Variants in RBM26 observed in about 807,000 individuals in gnomAD.
The protein encoded by RBM26 is RNA binding motif protein 26.
Under a neutral mutation model 123.6 loss-of-function variants are expected in RBM26, and 30 were observed. The ratio of observed to expected loss-of-function variants is 0.24; its 90% CI spans 0.18 to 0.33. The LOEUF (loss-of-function observed/expected upper bound fraction) is 0.33, where lower values mean the gene tolerates loss of function less well. Ranked by LOEUF, RBM26 falls within the 10% of genes least tolerant of loss-of-function variation. The pLI, the probability that RBM26 is intolerant of heterozygous loss-of-function variation, is 1.00. For synonymous variants in RBM26, 400 were observed against 404.4 expected, an observed-to-expected ratio of 0.99 and a Z score of 0.13; for missense variants, 947 against 1,203.6, an observed-to-expected ratio of 0.79 and a Z score of 3.15.
chr13:79,346,954 T>C (rs1303080849), intron 14 of RBM26, among the ~76,000 whole-genome samples: 1 of 152,220 alleles, frequency 6.6e-6, no homozygotes, highest in East Asian at 1.9e-4. Context: ...ATGAATATCG[T>C]AACCCAATTT....
downstream of RBM26, among the ~76,000 whole-genome samples, chr13:79,318,580 G>A (rs1036524106): frequency 2.6e-5 from 4 of 151,292 alleles, no homozygotes; most frequent in East Asian, 5.8e-4. Context: ...TTGGGATCAC[G>A]CTGAAATATA....
At chr13:79,349,508 T>C (rs1369212115) in intron 14 of RBM26, among the ~76,000 whole-genome samples, 2 of 152,062 alleles carry the variant, frequency 1.3e-5, no homozygotes, top group African/African-American at 4.8e-5. Flanking sequence ...TATGTACAGC[T>C]AGTAATGAAT....
At chr13:79,354,179 G>A (rs555715269) in intron 13 of RBM26, among the ~76,000 whole-genome samples, 3 of 151,788 alleles carry the variant, frequency 2.0e-5, no homozygotes, top group African/African-American at 4.8e-5. Flanking sequence ...CACAAAGTGA[G>A]AGAGAAATCT....
chr13:79,360,404 T>G (rs1264813671), intron 9 of RBM26, among the ~76,000 whole-genome samples: 1 of 152,084 alleles, frequency 6.6e-6, no homozygotes, highest in African/African-American at 2.4e-5. Flanking sequence ...AATTCTCACA[T>G]GCCAAATTAA....
Position 79,354,576 on chromosome 13 carries a change from A to C in RBM26, c.1855-6T>G. 6 of 1,572,738 alleles carry C rather than the reference A, an allele frequency of 3.8e-6. No homozygotes were observed. Among genetic ancestry groups the C allele is most frequent in the Non-Finnish European group, 5.2e-6 (6 of 1,155,792 alleles). On this transcript the variant is annotated splice_region_variant and splice_polypyrimidine_tract_variant and intron_variant, in intron 12 of 21. Coordinates refer to ENST00000438737, the MANE Select transcript of RBM26 (RefSeq NM_001366735.2). ...TGGACTAAAGGCTGCATTACCTCAG[A>C]ACAAGGAAAAAATGTTAAACAAGTT...
At chr13:79,331,403 G>A (rs181187530) in intron 20 of RBM26, among the ~76,000 whole-genome samples, 4,276 of 150,132 alleles carry the variant, frequency 0.028, 166 homozygotes, top group African/African-American at 0.085. Context: ...GGTGGATCAC[G>A]AGGTCAGGAG....
intron 14 of RBM26, among the ~76,000 whole-genome samples, chr13:79,352,721 C>T (rs2073430307): frequency 6.6e-6 from 1 of 152,196 alleles, no homozygotes; most frequent in South Asian, 2.1e-4. Context: ...ATTACCATCA[C>T]CATTTTACCG....
At position 79,387,562 on chromosome 13, in the gene RBM26, T is replaced by TA. The variant is rs5805031; in HGVS notation, c.72-8656dup. Among the ~76,000 whole-genome samples, 278 of 146,172 alleles carry TA rather than the reference T, an allele frequency of 1.9e-3. 2 individuals are homozygous for TA. The highest frequency in any genetic ancestry group is 5.8e-3 in the African/African-American group (231 of 39,954). On this transcript the variant is annotated intron_variant, in intron 1 of 21. Transcript: ENST00000438737. ...TTCTCTAGGCTTTAGTTTACTCATT[T>TA]AAAAAAAAAAAAAAGGCACTGAACC... is the stretch of plus-strand genomic sequence containing the variant.
At chr13:79,399,634 G>A (rs2078894944) in intron 1 of RBM26, among the ~76,000 whole-genome samples, 1 of 152,060 alleles carries the variant, frequency 6.6e-6, no homozygotes. Context: ...TCAAGCAATG[G>A]GATACAAACA....
At chr13:79,373,422 A>T (rs2076251978) in intron 3 of RBM26, among the ~76,000 whole-genome samples, 1 of 10,110 alleles carries the variant, frequency 9.9e-5, no homozygotes, top group Non-Finnish European at 1.5e-4. Context: ...ATATATAAAT[A>T]AAATATAAAT....
chr13:79,366,243 A>G, intron 7 of RBM26, 48 bp from the exon 8 acceptor site: 1 of 1,587,552 alleles, frequency 6.3e-7, no homozygotes, highest in East Asian at 2.2e-5. Flanking sequence ...CAAACAAATA[A>G]AACAAGTTAT....
At chr13:79,330,510 T>A (rs920304247) in intron 20 of RBM26, among the ~76,000 whole-genome samples, 3 of 152,144 alleles carry the variant, frequency 2.0e-5, no homozygotes, top group Non-Finnish European at 2.9e-5. Context: ...TGTTAGGGGA[T>A]CTCTTGCAGA....
Position 79,356,477 on chromosome 13 carries a change from C to A in RBM26, c.1690-1093G>T, listed in dbSNP as rs137905592. Among the ~76,000 whole-genome samples the A allele has an allele frequency of 3.5e-3, 530 of 151,520 alleles. 8 individuals are homozygous for A. The highest frequency in any genetic ancestry group is 0.012 in the African/African-American group (507 of 41,374). On this transcript the variant is annotated intron_variant, in intron 11 of 21. Coordinates refer to ENST00000438737, the MANE Select transcript of RBM26 (RefSeq NM_001366735.2). ...ACATGAACATGATCAAGTTACTTAA[C>A]CTTTCTGGGCCTTGTTTTCTTTTTC...
chr13:79,342,936 A>G (rs776992298), intron 16 of RBM26, 105 bp from the exon 17 acceptor site: 75 of 698,046 alleles, frequency 1.1e-4, no homozygotes, highest in Non-Finnish European at 1.5e-4. Context: ...TACTTTTTTT[A>G]GTTTATGCAT....
chr13:79,397,147 C>T (rs2078641616), intron 1 of RBM26, among the ~76,000 whole-genome samples: 1 of 151,900 alleles, frequency 6.6e-6, no homozygotes, highest in Non-Finnish European at 1.5e-5. Flanking sequence ...CACCACTGCA[C>T]TCCAGCCTGG....
At chr13:79,373,618 A>G (rs1201502148) in intron 3 of RBM26, among the ~76,000 whole-genome samples, 3 of 108,692 alleles carry the variant, frequency 2.8e-5, no homozygotes, top group African/African-American at 1.1e-4. Flanking sequence ...ATATTTATAT[A>G]TTATATATTA....
intron 10 of RBM26, 88 bp from the exon 11 acceptor site, chr13:79,358,521 C>G (rs2074293498): frequency 3.9e-6 from 4 of 1,023,292 alleles, no homozygotes; most frequent in Non-Finnish European, 5.7e-6. Context: ...AAATAGATAT[C>G]CAATTAAGTT....
chr13:79,398,384 T>C (rs892568215), intron 1 of RBM26, among the ~76,000 whole-genome samples: 1 of 152,156 alleles, frequency 6.6e-6, no homozygotes, highest in African/African-American at 2.4e-5. Context: ...GATAAGGAAG[T>C]GCTAAAACAT....
At chr13:79,321,516 G>C (rs1179303717) in intron 21 of RBM26, among the ~76,000 whole-genome samples, 1 of 151,296 alleles carries the variant, frequency 6.6e-6, no homozygotes, top group African/African-American at 2.4e-5. Flanking sequence ...GATTAAGTAA[G>C]AGTTGCTTAC....
Sources: gnomAD v4.1 joint callset for allele counts (sites outside exome capture counted in the v4.1 genomes callset) on GRCh38, gnomAD v4.1.1 for gene constraint, MANE v1.5 for transcripts, NCBI Gene and HGNC (gene_info 2026-07-23, HGNC 2026-07-21) for gene names.